The following VSIG4 variants were observed in gnomAD, a reference collection of about 807,000 sequenced individuals.
The protein encoded by VSIG4 is V-set and immunoglobulin domain containing 4, also known as V-set and immunoglobulin domain-containing protein 4.
VSIG4 carries 34 observed loss-of-function variants against 23.4 expected under a neutral mutation model. The observed-to-expected ratio is 1.45, with a 90% CI of 1.10 to 1.93. The LOEUF is 1.93. VSIG4 is among the 30% of genes most tolerant of loss of function. VSIG4 has a pLI of 0.00. For synonymous variants in VSIG4, 169 were observed against 120.3 expected, an observed-to-expected ratio of 1.41 and a Z score of -2.65; for missense variants, 433 against 310.8, an observed-to-expected ratio of 1.39 and a Z score of -2.96.
chrX:66,025,789 A>T (rs1486697124), intron 5 of VSIG4, among the ~76,000 whole-genome samples: 1 of 112,051 alleles, frequency 8.9e-6, no homozygotes, highest in Non-Finnish European at 1.9e-5. Flanking sequence ...AGAATGCTAC[A>T]TTGTTAGTTT....
chrX:66,038,373 G>C (rs7066492), intron 1 of VSIG4, among the ~76,000 whole-genome samples: 2,384 of 110,129 alleles, frequency 0.022, 71 homozygotes, highest in African/African-American at 0.075. Flanking sequence ...ACCTGAGCCT[G>C]AGGTCTATAG....
intron 1 of VSIG4, among the ~76,000 whole-genome samples, chrX:66,035,233 T>C (rs777604179): frequency 1.8e-5 from 2 of 112,129 alleles, no homozygotes; most frequent in Admixed American, 9.5e-5. Context: ...ATCCACTACA[T>C]ACTCTCTGGA....
At chrX:66,029,403 C>T (rs981035852) in intron 3 of VSIG4, among the ~76,000 whole-genome samples, 3 of 111,130 alleles carry the variant, frequency 2.7e-5, no homozygotes, top group African/African-American at 9.8e-5. Flanking sequence ...ATACAGTATT[C>T]ATCTAGTGTC....
chrX:66,031,040 G>A (rs749247206), intron 3 of VSIG4, among the ~76,000 whole-genome samples: 8 of 111,020 alleles, frequency 7.2e-5, no homozygotes, highest in Non-Finnish European at 1.3e-4. Context: ...GAAAGATTAC[G>A]TTGGCTCACA....
At position 66,027,485 on chromosome X, in the gene VSIG4, T is replaced by C. The variant is rs1414349011; in HGVS notation, c.799A>G (p.Met267Val). 1 of 1,203,595 alleles carries C rather than the reference T, an allele frequency of 8.3e-7. No individual in the cohort carries two copies. Among genetic ancestry groups the C allele is most frequent in the African/African-American group, 1.7e-5 (1 of 57,261 alleles). Residue 267 changes from methionine to valine, a missense_variant, in exon 5 of 8, where the codon ATG becomes GTG. Physicochemically the swap from Met to Val is conservative, Grantham distance 21. Transcript: ENST00000374737. ...VKQSWDWTTD[M>V]DGYLGETSAG... ...CTGGTCTCTCCAAGGTAGCCATCCA[T>C]GTCAGTGGTCCAGTCCCAGGACTGC...
At chrX:66,039,176 G>C (rs1193603017) in intron 1 of VSIG4, among the ~76,000 whole-genome samples, 1 of 112,143 alleles carries the variant, frequency 8.9e-6, no homozygotes, top group African/African-American at 3.2e-5. Context: ...AAGAAACCAA[G>C]TCCTATGAAG....
chrX:66,033,678 G>A lies in VSIG4; in HGVS notation c.208C>T (p.Arg70Cys), dbSNP rs977340246. 16 of 1,209,337 alleles carry A rather than the reference G, an allele frequency of 1.3e-5. No homozygotes were observed. The highest frequency in any genetic ancestry group is 1.7e-5 in the Non-Finnish European group (15 of 895,072). Residue 70 changes from arginine to cysteine, a missense_variant, in exon 2 of 8, where the codon CGT becomes TGT. Arg to Cys is a radical substitution (Grantham distance 180, BLOSUM62 -3). Transcript: ENST00000374737. ...RGSDPVTIFLRDSSGDHIQQA... is the reference protein window; with the variant it reads ...RGSDPVTIFLCDSSGDHIQQA... Reference sequence around the variant, plus strand: ...TGGATATGGTCTCCAGAAGAGTCACGTAGAAAGATGGTGACAGGGTCTGAG... The same window carrying A: ...TGGATATGGTCTCCAGAAGAGTCACATAGAAAGATGGTGACAGGGTCTGAG...
At chrX:66,022,743 G>T in intron 7 of VSIG4, 98 bp downstream of exon 7, 1 of 1,198,534 alleles carries the variant, frequency 8.3e-7, no homozygotes, top group East Asian at 3.0e-5. Flanking sequence ...CCTTAGGATT[G>T]GGTCTGTGCC....
chrX:66,038,180 C>A (rs1388928903), intron 1 of VSIG4, among the ~76,000 whole-genome samples: 1 of 111,564 alleles, frequency 9.0e-6, no homozygotes, highest in Non-Finnish European at 1.9e-5. Flanking sequence ...CTTAGCCCCA[C>A]AGGAAGAGGC....
Position 66,035,780 on chromosome X carries a change from C to T in VSIG4, c.56-1950G>A, listed in dbSNP as rs1020558386. On this transcript the variant is annotated intron_variant, in intron 1 of 7. Transcript: ENST00000374737. ...TATTTCCCATTAATCTTCCTCTGGA[C>T]TTTCCCAATGTCCCTCCTCTTCTCT... 3.6e-5 allele frequency among the ~76,000 whole-genome samples: 4 copies of T among 112,401 alleles called. No homozygotes were observed. The East Asian group carries it at 1.1e-3, about 31-fold the overall frequency.
intron 1 of VSIG4, among the ~76,000 whole-genome samples, chrX:66,039,428 G>A (rs997548427): frequency 2.7e-5 from 3 of 111,898 alleles, no homozygotes; most frequent in Non-Finnish European, 5.6e-5. Context: ...GGTCTGGGGA[G>A]GTAGTGAACA....
rs761396221 is a variant in VSIG4, at chrX:66,022,478, C to T, written c.985G>A (p.Asp329Asn). The T allele has an allele frequency of 4.1e-6, 5 of 1,211,717 alleles. No individual in the cohort carries two copies. The highest frequency in any genetic ancestry group is 3.0e-5 in the East Asian group (1 of 33,761). The stretch of plus-strand genomic sequence containing the variant: ...GCCACCCTCATGGTTTCTCCAGAGT[C>T]GTTGGCCTCTCTGGCATGTGCCCTA... ...AARAHAREAN[D>N]SGETMRVAIF... Residue 329 changes from aspartate to asparagine, a missense_variant, in exon 8 of 8, where the codon GAC becomes AAC. Asp to Asn is a conservative substitution (Grantham distance 23). Transcript: ENST00000374737.
chrX:66,033,624 C>G lies in VSIG4; in HGVS notation c.262G>C (p.Val88Leu), dbSNP rs1344181349. 8.3e-7 allele frequency: 1 copy of G among 1,211,592 alleles called. No homozygotes were observed. The highest frequency in any genetic ancestry group is 3.0e-5 in the East Asian group (1 of 33,825). ...QQAKYQGRLH[V>L]SHKVPGDVSL... ...ACATCTCCTGGAACCTTGTGGCTCACATGCAGGCGGCCCTGGTACTTTGCC... is the reference window on the plus strand; with the variant it reads ...ACATCTCCTGGAACCTTGTGGCTCAGATGCAGGCGGCCCTGGTACTTTGCC... The change falls in exon 2 of 8, where the codon GTG becomes CTG. Residue 88 changes from valine (V) to leucine (L), a missense_variant. Val to Leu is a conservative substitution (Grantham distance 32). Transcript: ENST00000374737.
At position 66,032,494 on chromosome X, in the gene VSIG4, C is replaced by T; in HGVS notation, c.668G>A (p.Ser223Asn). Residue 223 changes from serine to asparagine, a missense_variant, in exon 3 of 8, where the codon AGC (serine) becomes AAC (asparagine). By Grantham distance (46) the Ser-to-Asn change is conservative. Coordinates refer to ENST00000374737, the MANE Select transcript of VSIG4 (RefSeq NM_007268.3). ...AKGQVGSEQH[S>N]DIVKFVVKDS... ...TTTGACCACAAACTTCACAATGTCGCTGTGCTGCTCAGAGCCAACCTGGCC... is the reference window on the plus strand; with the variant it reads ...TTTGACCACAAACTTCACAATGTCGTTGTGCTGCTCAGAGCCAACCTGGCC... 2.5e-6 allele frequency: 3 copies of T among 1,211,535 alleles called. No individual in the cohort carries two copies. The highest frequency in any genetic ancestry group is 2.2e-5 in the Admixed American group (1 of 46,020).
At chrX:66,025,232 T>C in intron 5 of VSIG4, 103 bp from the exon 6 acceptor site, 1 of 525,018 alleles carries the variant, frequency 1.9e-6, no homozygotes. Context: ...TTCTTTTTCA[T>C]TTTCCATATT....
chrX:66,036,264 A>G lies in VSIG4; in HGVS notation c.56-2434T>C, dbSNP rs369497697. On this transcript the variant is annotated intron_variant, in intron 1 of 7. Transcript: ENST00000374737. Reference sequence around the variant, plus strand: ...CCTCCTCCTGCTTCATTAGTTGCATAAAGAGACTGGATTATAGGTACAGGA... The same window carrying G: ...CCTCCTCCTGCTTCATTAGTTGCATGAAGAGACTGGATTATAGGTACAGGA... Among the ~76,000 whole-genome samples the G allele has an allele frequency of 1.2e-4, 13 of 109,380 alleles. No homozygotes were observed. In the South Asian group the frequency reaches 4.7e-3, roughly 40 times the overall value. The allele number at this position is 109,380 out of a possible 115,157, so 95.0% of individuals were successfully genotyped here.
chrX:66,025,064 T>C lies in VSIG4; in HGVS notation c.901A>G (p.Met301Val), dbSNP rs779407425. ...ISLCCMVVFT[M>V]AYIMLCRKTS... is the part of the protein sequence containing the mutation. ...TTCCGACAGAGCATGATATAGGCCA[T>C]GGTAAAAACCACCATACAGCACAAG... The change falls in exon 6 of 8, where the codon ATG becomes GTG. Residue 301 changes from methionine to valine, a missense_variant. By Grantham distance (21) the Met-to-Val change is conservative (BLOSUM62 1). Transcript: ENST00000374737. 3 of 1,205,284 alleles carry C rather than the reference T, an allele frequency of 2.5e-6. No homozygotes were observed. The highest frequency in any genetic ancestry group is 1.8e-5 in the African/African-American group (1 of 56,896).
At chrX:66,037,514 A>G (rs1461665640) in intron 1 of VSIG4, among the ~76,000 whole-genome samples, 1 of 65,840 alleles carries the variant, frequency 1.5e-5, no homozygotes, top group Non-Finnish European at 2.5e-5. Context: ...TTATATAATA[A>G]TAATATAATA....
intron 5 of VSIG4, among the ~76,000 whole-genome samples, chrX:66,025,834 C>T (rs891407122): frequency 4.5e-5 from 5 of 112,088 alleles, no homozygotes; most frequent in African/African-American, 6.5e-5. Context: ...AGCCAAAGAA[C>T]GTGGGTAGCT....
Sources: gnomAD v4.1 joint callset for allele counts (sites outside exome capture counted in the v4.1 genomes callset) on GRCh38, gnomAD v4.1.1 for gene constraint, MANE v1.5 for transcripts, NCBI Gene and HGNC (gene_info 2026-07-23, HGNC 2026-07-21) for gene names.